The following ERMN variants were observed in gnomAD, a reference collection of about 807,000 sequenced individuals.
ERMN encodes ermin, ERM-like protein.
ERMN carries 17 observed loss-of-function variants against 21.4 expected under a neutral mutation model. The ratio of observed to expected loss-of-function variants is 0.80; its 90% confidence interval spans 0.54 to 1.19. The LOEUF (loss-of-function observed/expected upper bound fraction) is 1.19, where lower values mean the gene tolerates loss of function less well. Among genes scored for constraint, ERMN ranks in the 50% most tolerant of loss-of-function variants. ERMN has a pLI of 0.00. For synonymous variants in ERMN, 115 were observed against 111.9 expected (o/e 1.03, Z -0.17); for missense variants, 348 against 331.6 (o/e 1.05, Z -0.38).
In ERMN at chr2:157,325,660, G is replaced by A. The variant is rs775641339; in HGVS notation, c.-18C>T. ...TCTGTCATGATGTGCGGTTGAATCC[G>A]ATCTGGAGAGAGAGCTTTAGGGAAA... On this transcript the variant is annotated 5_prime_UTR_variant, in exon 1 of 3. Transcript: ENST00000410096. 5.6e-6 allele frequency: 9 copies of A among 1,613,918 alleles called. No individual in the cohort carries two copies. Among genetic ancestry groups the A allele is most frequent in the South Asian group, 1.1e-5 (1 of 91,078 alleles).
At position 157,325,466 on chromosome 2, in the gene ERMN, C is replaced by T. The variant is rs763383016; in HGVS notation, c.177G>A (p.Glu59=). Residue 59 remains glutamate, a synonymous_variant, in exon 1 of 3, where the codon GAG becomes GAA. Transcript: ENST00000410096. ...TGTTCCCTTGTAATTTTCTTCTTTC[C>T]TCCTGACTTCCTTTGGTGAGTGCAC... ...LEGALTKGSQ[E]ERRKLQGNML... 3.1e-6 allele frequency: 5 copies of T among 1,614,030 alleles called. No homozygotes were observed. The East Asian group carries it at 6.7e-5, about 22-fold the overall frequency.
At position 157,323,987 on chromosome 2, in the gene ERMN, C is replaced by T. The variant is rs182227037; in HGVS notation, c.334+683G>A. 763 of 152,832 alleles carry T rather than the reference C, an allele frequency of 5.0e-3. 5 individuals carry two copies. The highest frequency in any genetic ancestry group is 0.025 in the South Asian group (124 of 4,950). The allele number at this position is 152,832 out of a possible 1,614,324, so 9.5% of individuals were successfully genotyped here. On this transcript the variant is annotated intron_variant, in intron 2 of 2. Transcript: ENST00000410096. The stretch of plus-strand genomic sequence containing the variant: ...TATGTTGGCCGGGCACAGTGGCTCA[C>T]GCCTGTAACCCCAGCACTTTGGGAG...
chr2:157,322,877 G>T (rs1177199405), intron 2 of ERMN, among the ~76,000 whole-genome samples: 2 of 152,000 alleles, frequency 1.3e-5, no homozygotes, highest in Non-Finnish European at 2.9e-5. Flanking sequence ...GTTTTATTTT[G>T]TTTTCCACAA....
At position 157,321,108 on chromosome 2, in the gene ERMN, T is replaced by C; in HGVS notation, c.*163A>G. On this transcript the variant is annotated 3_prime_UTR_variant, in exon 3 of 3. Coordinates refer to ENST00000410096, the MANE Select transcript of ERMN (RefSeq NM_020711.3). ...TTTGATTTGAGGTTATCAGACTGAA[T>C]TTTTATCTAGGGTTATTTCCACATT... 3 of 1,124,392 alleles carry C rather than the reference T, an allele frequency of 2.7e-6. No individual in the cohort carries two copies. Among genetic ancestry groups the C allele is most frequent in the Non-Finnish European group, 3.7e-6 (3 of 818,870 alleles). The allele number at this position is 1,124,392 out of a possible 1,614,324, so 69.7% of individuals were successfully genotyped here.
chr2:157,324,664 T>C lies in ERMN; in HGVS notation c.334+6A>G. The C allele has an allele frequency of 6.2e-7, 1 of 1,605,844 alleles. No homozygotes were observed. Among genetic ancestry groups the C allele is most frequent in the Non-Finnish European group, 8.5e-7 (1 of 1,173,018 alleles). On this transcript the variant is annotated splice_donor_region_variant and intron_variant, in intron 2 of 2. Transcript: ENST00000410096. ...TTTCTGTGTACAAAACTGTAGTTCT[T>C]GTTACCTTCTCTGAATGTCATTTCA...
In ERMN at chr2:157,325,451, T is replaced by C. The variant is rs770416538; in HGVS notation, c.192A>G (p.Leu64=). 4 of 1,614,092 alleles carry C rather than the reference T, an allele frequency of 2.5e-6. No homozygotes were observed. The Admixed American group carries it at 5.0e-5, about 20-fold the overall frequency. Residue 64 remains leucine, a synonymous_variant, in exon 1 of 3, where the codon TTA becomes TTG. Transcript: ENST00000410096. ...TKGSQEERRK[L]QGNMLLNSSM... Reference sequence around the variant, plus strand: ...ATGAGTTGAGCAGCATGTTCCCTTGTAATTTTCTTCTTTCCTCCTGACTTC... The same window carrying C: ...ATGAGTTGAGCAGCATGTTCCCTTGCAATTTTCTTCTTTCCTCCTGACTTC...
intron 2 of ERMN, among the ~76,000 whole-genome samples, chr2:157,322,335 T>C (rs569736563): frequency 6.6e-6 from 1 of 151,200 alleles, no homozygotes; most frequent in South Asian, 2.1e-4. Context: ...ATACTGAAAA[T>C]GATGACTGTC....
rs187873123 is a variant in ERMN at position 157,321,965 on chromosome 2, T to C, written c.335-174A>G. On this transcript the variant is annotated intron_variant, in intron 2 of 2. Coordinates refer to ENST00000410096, the MANE Select transcript of ERMN (RefSeq NM_020711.3). ...GCACAAACAGGCTACACAGCCAAATTAATTTCAAAAACACTGCATTAAATA... is the reference window on the plus strand; with the variant it reads ...GCACAAACAGGCTACACAGCCAAATCAATTTCAAAAACACTGCATTAAATA... 4.9e-3 allele frequency among the ~76,000 whole-genome samples: 746 copies of C among 152,310 alleles called. 5 individuals carry two copies. The highest frequency in any genetic ancestry group is 7.8e-3 in the Non-Finnish European group (531 of 68,032).
rs75202523 is a variant in ERMN, at chr2:157,320,356, T to C, written c.*915A>G. 1 of 152,762 alleles carries C rather than the reference T, an allele frequency of 6.5e-6. No individual in the cohort carries two copies. Among genetic ancestry groups the C allele is most frequent in the African/African-American group, 2.4e-5 (1 of 41,590 alleles). The allele number at this position is 152,762 out of a possible 1,614,324, so 9.5% of individuals were successfully genotyped here. On this transcript the variant is annotated 3_prime_UTR_variant, in exon 3 of 3. Transcript: ENST00000410096. Reference sequence around the variant, plus strand: ...ACTAGTACAGTTATGACTAGCATTCTCTCAGGTTTCTAAGGAAAGAAAATT... The same window carrying C: ...ACTAGTACAGTTATGACTAGCATTCCCTCAGGTTTCTAAGGAAAGAAAATT...
Position 157,321,247 on chromosome 2 carries a change from G to A in ERMN, c.*24C>T. The A allele has an allele frequency of 1.3e-6, 2 of 1,596,036 alleles. No homozygotes were observed. The highest frequency in any genetic ancestry group is 1.1e-5 in the South Asian group (1 of 88,918). On this transcript the variant is annotated 3_prime_UTR_variant, in exon 3 of 3. Coordinates refer to ENST00000410096, the MANE Select transcript of ERMN (RefSeq NM_020711.3). Reference sequence around the variant, plus strand: ...AATTAGCTTTTCCTTTAGTGGGCATGAGAATTTCTCAGTTCCAGTTAGTTT... The same window carrying A: ...AATTAGCTTTTCCTTTAGTGGGCATAAGAATTTCTCAGTTCCAGTTAGTTT...
rs1206158784 is a variant in ERMN at position 157,318,967 on chromosome 2, CCT to C, written c.*2302_*2303del. On this transcript the variant is annotated 3_prime_UTR_variant, in exon 3 of 3. Transcript: ENST00000410096. ...AGTTTGTGTTCTTAATCATGTTCCC[CCT>C]GAGTTTCAAATATGTTAAAAATCCC... 6.6e-6 allele frequency: 1 copy of C among 152,074 alleles called. No homozygotes were observed. The highest frequency in any genetic ancestry group is 6.6e-5 in the Admixed American group (1 of 15,234). 9.4% of individuals were successfully genotyped at this position (152,074 alleles called of 1,614,324 possible). A position where few individuals can be genotyped will look rare whatever the true frequency, so the allele number is the denominator to read the frequency against.
At chr2:157,324,055 G>A in intron 2 of ERMN, 1 of 164,326 alleles carries the variant, frequency 6.1e-6, no homozygotes, top group South Asian at 1.3e-4. Flanking sequence ...TTCAAGACCA[G>A]CCTGGCCAAC....
At chr2:157,324,132 C>T (rs576519138) in intron 2 of ERMN, 25 of 250,076 alleles carry the variant, frequency 1.0e-4, no homozygotes, top group Admixed American at 5.5e-4. Context: ...AATAGCTGGG[C>T]GTGGTGTCAG....
rs1683903810 is a variant in ERMN at position 157,321,580 on chromosome 2, C to A, written c.546G>T (p.Trp182Cys). The change falls in exon 3 of 3, where the codon TGG (tryptophan) becomes TGT (cysteine). Residue 182 changes from tryptophan to cysteine, a missense_variant. Physicochemically the swap from Trp to Cys is radical, Grantham distance 215 (BLOSUM62 -2). Transcript: ENST00000410096. ...HSKHDEEQKVWDEEIDDDDDD... is the reference protein window; with the variant it reads ...HSKHDEEQKVCDEEIDDDDDD... ...CATCATCATCATCAATTTCTTCATC[C>A]CAAACCTTCTGCTCCTCATCATGTT... 1.9e-6 allele frequency: 3 copies of A among 1,613,916 alleles called. No individual in the cohort carries two copies. Among genetic ancestry groups the A allele is most frequent in the Non-Finnish European group, 2.5e-6 (3 of 1,180,016 alleles).
At chr2:157,327,410 C>A, upstream of ERMN, 1 of 773,248 alleles carries the variant, frequency 1.3e-6, no homozygotes, top group South Asian at 1.4e-5. Context: ...AACAAACGCT[C>A]ATATCACACT....
rs534403831 is a variant in ERMN, at chr2:157,325,745, C to A, written c.-103G>T. On this transcript the variant is annotated 5_prime_UTR_variant, in exon 1 of 3. Coordinates refer to ENST00000410096, the MANE Select transcript of ERMN (RefSeq NM_020711.3). ...TTGCCTTCAAGTCCTATAGTTCCAA[C>A]TCCTACTCTAAGAGCACAAATTATT... The A allele has an allele frequency of 2.5e-6, 4 of 1,579,074 alleles. No homozygotes were observed. Among genetic ancestry groups the A allele is most frequent in the Non-Finnish European group, 3.4e-6 (4 of 1,161,670 alleles).
intron 2 of ERMN, among the ~76,000 whole-genome samples, chr2:157,323,607 A>G (rs1324698184): frequency 6.6e-6 from 1 of 152,232 alleles, no homozygotes; most frequent in Non-Finnish European, 1.5e-5. Flanking sequence ...AAGTCCTAAC[A>G]AAGCTAAATT....
Position 157,324,607 on chromosome 2 carries a change from G to A in ERMN, c.334+63C>T. 3.8e-6 allele frequency: 5 copies of A among 1,307,922 alleles called. No homozygotes were observed. The South Asian group carries it at 6.1e-5, about 16-fold the overall frequency. The allele number at this position is 1,307,922 out of a possible 1,614,324, so 81.0% of individuals were successfully genotyped here. A position where few individuals can be genotyped will look rare whatever the true frequency, so the allele number is the denominator to read the frequency against. On this transcript the variant is annotated intron_variant, in intron 2 of 2. Transcript: ENST00000410096. ...ACCCCACGCTCATGCAACATTTCAT[G>A]GAAAGACTGTCATCCATACTCAGTC...
upstream of ERMN, chr2:157,327,373 ATGTT>A (rs757155485): frequency 2.7e-6 from 2 of 738,388 alleles, no homozygotes; most frequent in South Asian, 1.5e-5. Context: ...CTCTAATTCT[ATGTT>A]TGTTTGATTG....
Sources: gnomAD v4.1 joint callset for allele counts (sites outside exome capture counted in the v4.1 genomes callset) on GRCh38, gnomAD v4.1.1 for gene constraint, MANE v1.5 for transcripts, NCBI Gene and HGNC (gene_info 2026-07-23, HGNC 2026-07-21) for gene names.